ITGA6: variants seen among roughly 807,000 people sequenced by gnomAD.
ITGA6 encodes integrin alpha-6.
In ITGA6, 63 loss-of-function variants were observed where a neutral mutation model predicts 133.6. The observed-to-expected ratio is 0.47, with a 90% CI of 0.38 to 0.58. ITGA6 has a LOEUF of 0.58. Ranked by LOEUF, ITGA6 falls within the 20% of genes least tolerant of loss-of-function variation. ITGA6 has a pLI of 0.00. For missense variants in ITGA6, 1,068 were observed against 1,309.4 expected (o/e 0.82, Z 2.85); for synonymous variants, 434 against 482.0 (o/e 0.90, Z 1.30).
intron 8 of ITGA6, 104 bp downstream of exon 8, chr2:172,475,789 C>G (rs1686148458): frequency 2.6e-6 from 2 of 755,274 alleles, no homozygotes; most frequent in Non-Finnish European, 2.4e-6. Context: ...ATTTTATTTA[C>G]AAGTCCACAA....
chr2:172,497,558 TAGAAC>T (rs1409529656), intron 23 of ITGA6, among the ~76,000 whole-genome samples: 1 of 151,294 alleles, frequency 6.6e-6, no homozygotes, highest in Non-Finnish European at 1.5e-5. Flanking sequence ...GTTAGATAGA[TAGAAC>T]AGACTGGCTG....
In ITGA6 at chr2:172,494,894, CA is replaced by C. The variant is rs987511685; in HGVS notation, c.2989-3074del. On this transcript the variant is annotated intron_variant, in intron 23 of 25. Coordinates refer to ENST00000684293, the MANE Select transcript of ITGA6 (RefSeq NM_000210.4). ...CTGTCAAAATTTTTTTTAAAATGACCAAAAAAATGCATAATTCTTCAGGGGA... is the reference window on the plus strand; with the variant it reads ...CTGTCAAAATTTTTTTTAAAATGACCAAAAAATGCATAATTCTTCAGGGGA... 2.0e-5 allele frequency among the ~76,000 whole-genome samples: 3 copies of C among 151,736 alleles called. No individual in the cohort carries two copies. In the South Asian group the frequency reaches 6.2e-4, roughly 31 times the overall value.
At chr2:172,490,955 C>T (rs773135272) in intron 20 of ITGA6, 69 bp from the exon 21 acceptor site, 14 of 857,534 alleles carry the variant, frequency 1.6e-5, no homozygotes, top group Non-Finnish European at 2.4e-5. Flanking sequence ...AGGATATGCT[C>T]AAGAGGCTTG....
At chr2:172,468,384 T>G (rs1242212894) in intron 3 of ITGA6, among the ~76,000 whole-genome samples, 1 of 152,214 alleles carries the variant, frequency 6.6e-6, no homozygotes. Context: ...GTAACGAAAT[T>G]TATACAGAAT....
At chr2:172,500,332 G>C (rs996807344) in intron 24 of ITGA6, among the ~76,000 whole-genome samples, 5 of 152,276 alleles carry the variant, frequency 3.3e-5, no homozygotes, top group African/African-American at 9.6e-5. Flanking sequence ...AATGTTGCTG[G>C]CTGGGCGCGG....
At chr2:172,430,377 T>G (rs530846834) in intron 1 of ITGA6, among the ~76,000 whole-genome samples, 54 of 152,344 alleles carry the variant, frequency 3.5e-4, no homozygotes, top group Middle Eastern at 3.4e-3. Context: ...TGGTTGTTTT[T>G]GGGTAATGAT....
intron 11 of ITGA6, 121 bp downstream of exon 11, chr2:172,480,172 G>T (rs1686372656): frequency 4.2e-6 from 3 of 708,758 alleles, no homozygotes; most frequent in Admixed American, 2.0e-5. Flanking sequence ...CTGGTGTAAA[G>T]AATTAAGTGT....
chr2:172,428,920 A>G (rs1464267706), intron 1 of ITGA6, among the ~76,000 whole-genome samples: 8 of 152,160 alleles, frequency 5.3e-5, no homozygotes, highest in Admixed American at 5.2e-4. Context: ...CTTAATCGCT[A>G]TGGGGTTGCA....
intron 19 of ITGA6, 24 bp from the exon 20 acceptor site, chr2:172,489,461 A>C (rs757950512): frequency 6.4e-7 from 1 of 1,568,372 alleles, no homozygotes; most frequent in Non-Finnish European, 8.8e-7. Flanking sequence ...TTAGACTGAG[A>C]TAATATGTAT....
At chr2:172,490,582 T>C (rs1574405898) in intron 20 of ITGA6, among the ~76,000 whole-genome samples, 1 of 152,344 alleles carries the variant, frequency 6.6e-6, no homozygotes, top group East Asian at 1.9e-4. Context: ...ATTGCTCTGC[T>C]CTGAATGAGC....
In ITGA6 at chr2:172,427,957, G is replaced by A. The variant is rs1250054509; in HGVS notation, c.169G>A (p.Glu57Lys). 6.2e-7 allele frequency: 1 copy of A among 1,604,324 alleles called. No homozygotes were observed. Among genetic ancestry groups the A allele is most frequent in the Non-Finnish European group, 8.5e-7 (1 of 1,176,118 alleles). The change falls in exon 1 of 26, where the codon GAG becomes AAG. Residue 57 changes from glutamate to lysine, a missense_variant. By Grantham distance (56) the Glu-to-Lys change is moderately conservative. Coordinates refer to ENST00000684293, the MANE Select transcript of ITGA6 (RefSeq NM_000210.4). ...GGCCATGCACTGGCAACTGCAGCCC[G>A]AGGACAAGCGGCTGTGAGTTCCCAG... ...SLAMHWQLQPEDKRLLLVGAP... is the reference protein window; with the variant it reads ...SLAMHWQLQPKDKRLLLVGAP...
chr2:172,453,115 A>T (rs896191928), intron 1 of ITGA6, among the ~76,000 whole-genome samples: 4 of 152,174 alleles, frequency 2.6e-5, no homozygotes, highest in Admixed American at 2.6e-4. Context: ...CGTGTTCTCA[A>T]CCTGGCAGCT....
At chr2:172,463,194 G>A (rs1267040206) in intron 1 of ITGA6, among the ~76,000 whole-genome samples, 3 of 152,202 alleles carry the variant, frequency 2.0e-5, no homozygotes, top group East Asian at 1.9e-4. Flanking sequence ...ATAGGTGAAC[G>A]AATGTGGGAA....
chr2:172,487,470 AC>A lies in ITGA6; in HGVS notation c.2160+19del, dbSNP rs1252374329. On this transcript the variant is annotated intron_variant, in intron 15 of 25. Coordinates refer to ENST00000684293, the MANE Select transcript of ITGA6 (RefSeq NM_000210.4). ...GCTTTCCCTGTAAGTATTGTTAGAG[AC>A]CAGCTGAGAGGGGAAAAAAATCAAC... is the stretch of plus-strand genomic sequence containing the variant. 1 of 1,612,504 alleles carries A rather than the reference AC, an allele frequency of 6.2e-7. No individual in the cohort carries two copies. The highest frequency in any genetic ancestry group is 1.7e-5 in the Admixed American group (1 of 60,008).
intron 24 of ITGA6, among the ~76,000 whole-genome samples, chr2:172,500,025 T>C (rs1687285429): frequency 6.6e-6 from 1 of 152,222 alleles, no homozygotes; most frequent in African/African-American, 2.4e-5. Context: ...GCATTTTTAT[T>C]ACTTTATACT....
At chr2:172,497,245 C>T (rs562890577) in intron 23 of ITGA6, among the ~76,000 whole-genome samples, 36 of 152,282 alleles carry the variant, frequency 2.4e-4, no homozygotes, top group Admixed American at 2.2e-3. Context: ...GTGGCTCATA[C>T]TTATGATACC....
chr2:172,437,708 A>C (rs1466789217), intron 1 of ITGA6, among the ~76,000 whole-genome samples: 2 of 152,160 alleles, frequency 1.3e-5, no homozygotes, highest in Non-Finnish European at 2.9e-5. Flanking sequence ...CAAGTAGAGG[A>C]GCCTCTAGGT....
chr2:172,445,351 TAACAA>T (rs1456738682), intron 1 of ITGA6, among the ~76,000 whole-genome samples: 1 of 134,728 alleles, frequency 7.4e-6, no homozygotes, highest in Non-Finnish European at 1.6e-5. Context: ...TTTTTTTTTT[TAACAA>T]AAAAAAAAAA....
intron 1 of ITGA6, among the ~76,000 whole-genome samples, chr2:172,452,354 A>C (rs984256706): frequency 6.6e-6 from 1 of 152,188 alleles, no homozygotes; most frequent in Non-Finnish European, 1.5e-5. Context: ...AGTGGCAGCA[A>C]GTCTTGTCTA....
Sources: gnomAD v4.1 joint callset for allele counts (sites outside exome capture counted in the v4.1 genomes callset) on GRCh38, gnomAD v4.1.1 for gene constraint, MANE v1.5 for transcripts, NCBI Gene and HGNC (gene_info 2026-07-23, HGNC 2026-07-21) for gene names.